Variants in KLK15 observed in about 807,000 individuals in gnomAD.
KLK15 encodes kallikrein-15.
A neutral mutation model predicts 21.1 loss-of-function variants in KLK15; 19 were observed. That is an observed-to-expected ratio of 0.90 (90% CI 0.63 to 1.32). KLK15 has a LOEUF of 1.32. Among genes scored for constraint, KLK15 ranks in the 40% most tolerant of loss-of-function variants. KLK15 has a pLI of 0.00. For synonymous variants in KLK15, 141 were observed against 141.5 expected, an observed-to-expected ratio of 1.00 and a Z score of 0.03; for missense variants, 345 against 348.6, an observed-to-expected ratio of 0.99 and a Z score of 0.08.
chr19:50,827,106 G>T, exon 3 of KLK15: 5 of 1,604,654 alleles, frequency 3.1e-6, no homozygotes, highest in Non-Finnish European at 3.4e-6. Context: ...GTCCGTAGTT[G>T]CTCTGGGCCA....
chr19:50,831,384 C>T, intron 1 of KLK15, 66 bp downstream of exon 2: 1 of 1,215,416 alleles, frequency 8.2e-7, no homozygotes, highest in Non-Finnish European at 1.1e-6. Flanking sequence ...GATCACTGGG[C>T]CCAGACATGC....
At chr19:50,830,289 C>T (rs1449576730) in intron 1 of KLK15, among the ~76,000 whole-genome samples, 1 of 151,726 alleles carries the variant, frequency 6.6e-6, no homozygotes, top group Admixed American at 6.6e-5. Context: ...AAGGTTGAAG[C>T]CATGCACACT....
chr19:50,825,731 CG>C (rs1469956886), downstream of KLK15: 2 of 1,523,284 alleles, frequency 1.3e-6, no homozygotes, highest in Admixed American at 1.8e-5. Context: ...CCATGTCAGG[CG>C]GGGCTGCTGG....
rs577698236 is a variant in KLK15, at chr19:50,826,741, C to T, written c.498G>A (p.Thr166=). The T allele has an allele frequency of 5.6e-6, 9 of 1,612,406 alleles. No individual in the cohort carries two copies. In the African/African-American group the frequency reaches 8.0e-5, roughly 14 times the overall value. Residue 166 remains threonine (T), a synonymous_variant, in exon 4 of 5, where the codon ACG becomes ACA. Coordinates refer to ENST00000598239, the Ensembl canonical transcript of KLK15. Reference sequence around the variant, plus strand: ...TAATGCTGATGTTGGCACAATGCAACGTATCTGGGAGACTCACTGGGGAAG... The same window carrying T: ...TAATGCTGATGTTGGCACAATGCAATGTATCTGGGAGACTCACTGGGGAAG...
In KLK15 at chr19:50,827,616, C is replaced by T. The variant is rs780548568; in HGVS notation, c.197+46G>A. ...CTTCCCCCAAATCTAGGAGCTCTTC[C>T]CCCCGAACCAGGCTCCCTCAGGACC... On this transcript the variant is annotated intron_variant, in intron 2 of 4. Transcript: ENST00000598239. 5 of 1,583,688 alleles carry T rather than the reference C, an allele frequency of 3.2e-6. No individual in the cohort carries two copies. The South Asian group carries it at 4.5e-5, about 14-fold the overall frequency.
At chr19:50,831,383 G>T in intron 1 of KLK15, 67 bp downstream of exon 2, 1 of 1,185,316 alleles carries the variant, frequency 8.4e-7, no homozygotes, top group Non-Finnish European at 1.1e-6. Flanking sequence ...AGATCACTGG[G>T]CCCAGACATG....
exon 2 of KLK15, chr19:50,827,687 GCAC>G: frequency 6.2e-7 from 1 of 1,611,144 alleles, no homozygotes; most frequent in Non-Finnish European, 8.5e-7. Flanking sequence ...GCCGCAGACA[GCAC>G]CCAGTGTGGG....
In KLK15 at chr19:50,827,526, C is replaced by T. The variant is rs1259739902; in HGVS notation, c.197+136G>A. ...CTTTGAAACACACACTCCTTCCTAA[C>T]CCAGGGGCTTGACATCCGGCCTCCT... On this transcript the variant is annotated intron_variant, in intron 2 of 4. Coordinates refer to ENST00000598239, the Ensembl canonical transcript of KLK15. The T allele has an allele frequency of 1.2e-5, 11 of 887,262 alleles. No homozygotes were observed. In the East Asian group the frequency reaches 2.1e-4, roughly 17 times the overall value. 55.0% of individuals were successfully genotyped at this position (887,262 alleles called of 1,614,324 possible). A position where few individuals can be genotyped will look rare whatever the true frequency, so the allele number is the denominator to read the frequency against.
intron 1 of KLK15, among the ~76,000 whole-genome samples, chr19:50,828,023 G>A (rs2123409326): frequency 6.6e-6 from 1 of 151,626 alleles, no homozygotes; most frequent in East Asian, 1.9e-4. Context: ...CATGATCTCA[G>A]CTCACTGCAA....
chr19:50,827,377 C>A (rs946041329), intron 2 of KLK15, among the ~76,000 whole-genome samples: 1 of 151,620 alleles, frequency 6.6e-6, no homozygotes, highest in African/African-American at 2.4e-5. Context: ...TCCTAGAACT[C>A]GATCCCCTCC....
chr19:50,830,160 T>TAC (rs58238482), intron 1 of KLK15, among the ~76,000 whole-genome samples: 40,706 of 146,958 alleles, frequency 0.28, 5,988 homozygotes, highest in Middle Eastern at 0.38. Flanking sequence ...CACGTGCATG[T>TAC]ACACACACAC....
chr19:50,826,049 A>G, intron 4 of KLK15, 101 bp from the exon 6 acceptor site: 1 of 1,236,974 alleles, frequency 8.1e-7, no homozygotes, highest in Non-Finnish European at 1.1e-6. Flanking sequence ...ATCCATCCCC[A>G]TCCCAGGGAA....
chr19:50,831,578 G>T, upstream of KLK15: 2 of 1,098,740 alleles, frequency 1.8e-6, no homozygotes, highest in Non-Finnish European at 1.2e-6. Flanking sequence ...CCTCCACCAG[G>T]ATCCCTCCAG....
chr19:50,831,043 T>C (rs1335159625), intron 1 of KLK15: 2 of 158,524 alleles, frequency 1.3e-5, no homozygotes, highest in South Asian at 2.0e-4. Context: ...TGTCTAATGC[T>C]TGCTATGTAT....
At chr19:50,831,847 T>C (rs2089992415), upstream of KLK15, among the ~76,000 whole-genome samples, 1 of 151,406 alleles carries the variant, frequency 6.6e-6, no homozygotes, top group Non-Finnish European at 1.5e-5. Flanking sequence ...AGTCTCACTC[T>C]GTCACCCAGG....
chr19:50,832,324 T>TTTC (rs202049232), upstream of KLK15, among the ~76,000 whole-genome samples: 1,085 of 103,780 alleles, frequency 0.01, 24 homozygotes, highest in African/African-American at 0.033. Flanking sequence ...TTTTTTTTCT[T>TTTC]TTTTTTTTTT....
At chr19:50,827,924 T>C in intron 1 of KLK15, 109 bp from the exon 3 acceptor site, 1 of 1,008,808 alleles carries the variant, frequency 9.9e-7, no homozygotes, top group Non-Finnish European at 1.5e-6. Flanking sequence ...TCCCCTAACT[T>C]CTCAAGACAC....
In KLK15 at chr19:50,829,309, G is replaced by A. The variant is rs1007372338; in HGVS notation, c.44-1494C>T. Among the ~76,000 whole-genome samples the A allele has an allele frequency of 1.4e-4, 22 of 151,740 alleles. 2 individuals carry two copies. The highest frequency in any genetic ancestry group is 7.4e-5 in the Non-Finnish European group (5 of 67,844). ...TGTTGTAAGGATGAGGTAGGAATGT[G>A]TATGTGTGTGTGTGCATGTGTGTAT... On this transcript the variant is annotated intron_variant, in intron 1 of 4. Coordinates refer to ENST00000598239, the Ensembl canonical transcript of KLK15.
Position 50,827,182 on chromosome 19 carries a change from C to A in KLK15, c.198-21G>T, listed in dbSNP as rs767126932. 5 of 1,558,480 alleles carry A rather than the reference C, an allele frequency of 3.2e-6. No homozygotes were observed. The South Asian group carries it at 4.8e-5, about 15-fold the overall frequency. On this transcript the variant is annotated intron_variant, in intron 2 of 4. Coordinates refer to ENST00000598239, the Ensembl canonical transcript of KLK15. ...TGAAGCTGTGCGGGCGAGTGGTTTT[C>A]CCGCCAGTGGAGTGCGGGCCAGTGG... is the stretch of plus-strand genomic sequence containing the variant.
Sources: gnomAD v4.1 joint callset for allele counts (sites outside exome capture counted in the v4.1 genomes callset) on GRCh38, gnomAD v4.1.1 for gene constraint, MANE v1.5 for transcripts, NCBI Gene and HGNC (gene_info 2026-07-23, HGNC 2026-07-21) for gene names.